The following TIAM1 variants were observed in gnomAD, a reference collection of about 807,000 sequenced individuals.
TIAM1 encodes the protein TIAM Rac1 associated GEF 1.
TIAM1 carries 65 observed loss-of-function variants against 163.5 expected under a neutral mutation model. The ratio of observed to expected loss-of-function variants is 0.40; its 90% confidence interval spans 0.33 to 0.49. The LOEUF (loss-of-function observed/expected upper bound fraction) is 0.49. Among genes scored for constraint, TIAM1 ranks in the 20% least tolerant of loss-of-function variants. The pLI is 0.77. For missense variants in TIAM1, 1,789 were observed against 2,044.7 expected, an observed-to-expected ratio of 0.87 and a Z score of 2.41; for synonymous variants, 833 against 810.1, an observed-to-expected ratio of 1.03 and a Z score of -0.48.
rs1443775715 is a variant in TIAM1, at chr21:31,266,443, C to T, written c.530G>A (p.Arg177Gln). The T allele has an allele frequency of 2.4e-5, 39 of 1,614,198 alleles. No homozygotes were observed. The highest frequency in any genetic ancestry group is 3.1e-5 in the Non-Finnish European group (37 of 1,180,042). Residue 177 changes from arginine to glutamine, a missense_variant, in exon 4 of 28, where the codon CGG becomes CAG. Arg to Gln is a conservative substitution (Grantham distance 43). This residue lies in a region of TIAM1 where 555 missense variants were observed against 564.9 expected (regional missense o/e 0.98). Coordinates refer to ENST00000541036, the MANE Select transcript of TIAM1 (RefSeq NM_001353694.2). ...KKRSKSADIW[R>Q]EDSLEFSLSD... The stretch of plus-strand genomic sequence containing the variant: ...GAGTGAGAATTCCAGGCTGTCCTCC[C>T]GCCAGATGTCTGCAGATTTGGAGCG...
intron 6 of TIAM1, among the ~76,000 whole-genome samples, chr21:31,230,723 A>G (rs1324508804): frequency 6.6e-6 from 1 of 152,062 alleles, no homozygotes; most frequent in Non-Finnish European, 1.5e-5. Flanking sequence ...TAGTAGAGAC[A>G]GGGTTTCACC....
intron 1 of TIAM1, among the ~76,000 whole-genome samples, chr21:31,508,935 G>C (rs2147466560): frequency 6.6e-6 from 1 of 152,220 alleles, no homozygotes; most frequent in Admixed American, 6.5e-5. Flanking sequence ...AGCAAACTGG[G>C]CTGTGCTACG....
chr21:31,496,826 CT>C (rs1436615045), intron 1 of TIAM1, among the ~76,000 whole-genome samples: 1 of 151,778 alleles, frequency 6.6e-6, no homozygotes, highest in African/African-American at 2.4e-5. Flanking sequence ...TGTATCTTTC[CT>C]TTGTTTAGAT....
At chr21:31,210,679 GAAAGA>G (rs2086775212) in intron 10 of TIAM1, among the ~76,000 whole-genome samples, 1 of 70,416 alleles carries the variant, frequency 1.4e-5, no homozygotes, top group African/African-American at 7.5e-5. Context: ...AAGAAAGAAA[GAAAGA>G]AAAAGAAAGA....
At chr21:31,166,000 GA>G (rs1185676785) in intron 15 of TIAM1, among the ~76,000 whole-genome samples, 1 of 152,188 alleles carries the variant, frequency 6.6e-6, no homozygotes, top group African/African-American at 2.4e-5. Flanking sequence ...TCTGCGTTGA[GA>G]AGAGAATATG....
intron 1 of TIAM1, among the ~76,000 whole-genome samples, chr21:31,556,028 T>C (rs2048865968): frequency 6.6e-6 from 1 of 152,166 alleles, no homozygotes; most frequent in South Asian, 2.1e-4. Flanking sequence ...CCGGGCTCTT[T>C]GGACGAGCAT....
At chr21:31,512,617 C>CTTTTTTTTTTTTT (rs35338359) in intron 1 of TIAM1, among the ~76,000 whole-genome samples, 23 of 121,756 alleles carry the variant, frequency 1.9e-4, no homozygotes, top group African/African-American at 2.6e-4. Flanking sequence ...TTTTTCTTTT[C>CTTTTTTTTTTTTT]TTTTTTTTTT....
chr21:31,316,007 TCAACCATGATGACCCTGAA>T (rs1362195119), intron 2 of TIAM1, among the ~76,000 whole-genome samples: 1 of 152,064 alleles, frequency 6.6e-6, no homozygotes, highest in African/African-American at 2.4e-5. Context: ...AAGGAGATCA[TCAACCATGATGACCCTGAA>T]ATTGTGTCAC....
At chr21:31,479,012 A>T (rs1031653234) in intron 1 of TIAM1, among the ~76,000 whole-genome samples, 1 of 152,238 alleles carries the variant, frequency 6.6e-6, no homozygotes, top group Non-Finnish European at 1.5e-5. Flanking sequence ...GATTTCTACA[A>T]GGACATTTTT....
intron 17 of TIAM1, among the ~76,000 whole-genome samples, chr21:31,153,847 G>C (rs1601319205): frequency 6.6e-6 from 1 of 151,910 alleles, no homozygotes; most frequent in Non-Finnish European, 1.5e-5. Context: ...GATCGCTTGA[G>C]CCCATGAGTT....
At chr21:31,250,549 G>C (rs1238532680) in intron 5 of TIAM1, among the ~76,000 whole-genome samples, 2 of 152,164 alleles carry the variant, frequency 1.3e-5, no homozygotes, top group Non-Finnish European at 2.9e-5. Context: ...CATGTCTCTA[G>C]GATTGCATGT....
intron 6 of TIAM1, among the ~76,000 whole-genome samples, chr21:31,243,365 A>G (rs2071322096): frequency 6.6e-6 from 1 of 151,212 alleles, no homozygotes; most frequent in Admixed American, 6.6e-5. Flanking sequence ...ATTAAGGAAT[A>G]GAATGAAAAA....
At chr21:31,426,754 C>T (rs1480843453) in intron 2 of TIAM1, among the ~76,000 whole-genome samples, 1 of 151,998 alleles carries the variant, frequency 6.6e-6, no homozygotes, top group Non-Finnish European at 1.5e-5. Context: ...TGAAAATTAA[C>T]TTGAAAGAAA....
rs145848526 is a variant in TIAM1, at chr21:31,403,744, G to C, written c.-369+60239C>G. Among the ~76,000 whole-genome samples, 529 of 152,246 alleles carry C rather than the reference G, an allele frequency of 3.5e-3. 3 individuals are homozygous for C. Among genetic ancestry groups the C allele is most frequent in the African/African-American group, 0.012 (498 of 41,548 alleles). On this transcript the variant is annotated intron_variant, in intron 2 of 28. Transcript: ENST00000286827. ...AAAAATTGCTGGGGGCTGGAGAATA[G>C]AGAGATCCCTTCTGCTTGATGCATC...
rs760588858 is a variant in TIAM1, at chr21:31,245,679, G to A, written c.1412-19C>T. The A allele has an allele frequency of 2.4e-5, 37 of 1,526,450 alleles. No homozygotes were observed. In the East Asian group the frequency reaches 8.6e-4, roughly 35 times the overall value. The allele number at this position is 1,526,450 out of a possible 1,614,324, so 94.6% of individuals were successfully genotyped here. On this transcript the variant is annotated intron_variant, in intron 5 of 27. Transcript: ENST00000541036. ...GTGCATCCTGAGGAAACAGAACAGG[G>A]GTGTGCATGAGTATTCAGTGCTTGG...
At chr21:31,200,245 G>A (rs746654886) in intron 12 of TIAM1, among the ~76,000 whole-genome samples, 1 of 152,062 alleles carries the variant, frequency 6.6e-6, no homozygotes, top group Non-Finnish European at 1.5e-5. Context: ...GCTGAGGCAG[G>A]AGAATTGCTT....
intron 22 of TIAM1, among the ~76,000 whole-genome samples, chr21:31,136,741 T>C (rs1328542130): frequency 6.6e-6 from 1 of 152,168 alleles, no homozygotes; most frequent in African/African-American, 2.4e-5. Flanking sequence ...TCAGAGACAG[T>C]TTCCCAAGGA....
At chr21:31,126,974 G>T in intron 26 of TIAM1, 91 bp downstream of exon 26, 2 of 1,281,366 alleles carry the variant, frequency 1.6e-6, no homozygotes, top group Non-Finnish European at 2.3e-6. Flanking sequence ...TACAAACAAC[G>T]TACCAAACAC....
intron 8 of TIAM1, among the ~76,000 whole-genome samples, chr21:31,223,109 A>G (rs1198350830): frequency 6.6e-6 from 1 of 152,122 alleles, no homozygotes; most frequent in Admixed American, 6.6e-5. Context: ...CAAACATGAC[A>G]CTGTCTAAAG....
Sources: allele counts gnomAD v4.1 joint callset (sites outside exome capture counted in the v4.1 genomes callset), GRCh38; gene constraint gnomAD v4.1.1; regional missense constraint gnomAD v4.1.1; transcripts MANE v1.5; gene names NCBI Gene and HGNC (gene_info 2026-07-23, HGNC 2026-07-21).